Variants in TLCD4 observed in about 807,000 individuals in gnomAD.
TLCD4 encodes TLC domain containing 4.
A neutral mutation model predicts 24.2 loss-of-function variants in TLCD4; 7 were observed. The observed-to-expected ratio is 0.29, with a 90% confidence interval of 0.16 to 0.54. TLCD4 has a LOEUF of 0.54. Among genes scored for constraint, TLCD4 ranks in the 20% least tolerant of loss-of-function variants. TLCD4 has a pLI of 0.95. For synonymous variants in TLCD4, 103 were observed against 106.4 expected, an observed-to-expected ratio of 0.97 and a Z score of 0.20; for missense variants, 259 against 313.9, an observed-to-expected ratio of 0.82 and a Z score of 1.32.
chr1:95,175,705 G>C (rs553659821), intron 6 of TLCD4, among the ~76,000 whole-genome samples: 1 of 151,956 alleles, frequency 6.6e-6, no homozygotes, highest in Non-Finnish European at 1.5e-5. Context: ...GCTGTTTTCT[G>C]TTCTTCTGAT....
At chr1:95,158,063 C>A (rs745681034) in intron 5 of TLCD4, among the ~76,000 whole-genome samples, 1 of 152,114 alleles carries the variant, frequency 6.6e-6, no homozygotes, top group Non-Finnish European at 1.5e-5. Context: ...AATGTTCATA[C>A]CTCTATTTGC....
chr1:95,171,192 T>A (rs1379488709), intron 5 of TLCD4, among the ~76,000 whole-genome samples: 1 of 152,208 alleles, frequency 6.6e-6, no homozygotes, highest in African/African-American at 2.4e-5. Flanking sequence ...GCTCAAGTGA[T>A]CCTCTTGCCT....
intron 3 of TLCD4, 72 bp from the exon 4 acceptor site, chr1:95,150,136 C>T (rs1677452567): frequency 1.3e-6 from 2 of 1,505,286 alleles, no homozygotes; most frequent in Non-Finnish European, 1.8e-6. Context: ...ATATTTAAAT[C>T]TCTATAGAAA....
the TLCD4 span, among the ~76,000 whole-genome samples, chr1:95,104,913 G>T: frequency 6.6e-6 from 1 of 151,880 alleles, no homozygotes; most frequent in East Asian, 1.9e-4. Flanking sequence ...CTAGCTACTT[G>T]GGAGGTTGAG....
chr1:95,189,391 C>T (rs190107490), intron 6 of TLCD4, among the ~76,000 whole-genome samples: 1 of 152,152 alleles, frequency 6.6e-6, no homozygotes, highest in South Asian at 2.1e-4. Context: ...CCTGGTATCC[C>T]CCAACCTCCT....
At chr1:95,156,785 C>T (rs2148796) in intron 5 of TLCD4, among the ~76,000 whole-genome samples, 67,387 of 151,832 alleles carry the variant, frequency 0.44, 16,419 homozygotes, top group Middle Eastern at 0.59. Context: ...TAGAGGAAGA[C>T]GACACCATGG....
intron 5 of TLCD4, 47 bp downstream of exon 5, chr1:95,151,466 A>C (rs767845917): frequency 3.8e-6 from 6 of 1,589,216 alleles, no homozygotes; most frequent in Middle Eastern, 1.7e-4. Context: ...CAAGATTGGG[A>C]ATAGTGATGT....
intron 6 of TLCD4, among the ~76,000 whole-genome samples, chr1:95,174,523 A>AG (rs1366394792): frequency 3.3e-5 from 4 of 122,674 alleles, no homozygotes; most frequent in African/African-American, 1.5e-4. Context: ...AAAAAAAAAA[A>AG]AAAGAAAAAA....
chr1:95,129,462 C>A (rs1035982309), intron 1 of TLCD4, among the ~76,000 whole-genome samples: 2 of 152,108 alleles, frequency 1.3e-5, no homozygotes, highest in Non-Finnish European at 2.9e-5. Flanking sequence ...GTGTAACAGG[C>A]CAGGCGCGGT....
intron 1 of TLCD4, among the ~76,000 whole-genome samples, chr1:95,119,510 C>T (rs953502150): frequency 1.3e-5 from 2 of 152,146 alleles, no homozygotes; most frequent in Non-Finnish European, 2.9e-5. Context: ...TCCCTAGATT[C>T]CCAATTGAGA....
At chr1:95,186,411 C>T (rs1056471043) in intron 6 of TLCD4, among the ~76,000 whole-genome samples, 4 of 152,080 alleles carry the variant, frequency 2.6e-5, no homozygotes, top group Admixed American at 6.6e-5. Context: ...GGCAAGAGAA[C>T]GGAGGGTGCT....
At chr1:95,137,946 C>T (rs543412566) in intron 1 of TLCD4, among the ~76,000 whole-genome samples, 2 of 152,068 alleles carry the variant, frequency 1.3e-5, no homozygotes, top group South Asian at 4.2e-4. Context: ...TAATGTTGTC[C>T]AGGCTGGTCT....
chr1:95,128,652 T>A (rs904559926), intron 1 of TLCD4, among the ~76,000 whole-genome samples: 2 of 152,218 alleles, frequency 1.3e-5, no homozygotes, highest in Admixed American at 6.5e-5. Context: ...GGACTCTCGG[T>A]TGTTTGAAAA....
the TLCD4 span, among the ~76,000 whole-genome samples, chr1:95,100,953 G>T: frequency 6.6e-6 from 1 of 150,872 alleles, no homozygotes; most frequent in African/African-American, 2.4e-5. Context: ...CTTTGCCCAG[G>T]CTAGAGTGCA....
chr1:95,124,475 A>G (rs1299937945), intron 1 of TLCD4, among the ~76,000 whole-genome samples: 1 of 152,176 alleles, frequency 6.6e-6, no homozygotes, highest in Admixed American at 6.6e-5. Context: ...CAACCTTCCC[A>G]GTATCTTACA....
chr1:95,122,833 G>A (rs1161023873), intron 1 of TLCD4, among the ~76,000 whole-genome samples: 3 of 152,114 alleles, frequency 2.0e-5, no homozygotes, highest in Non-Finnish European at 4.4e-5. Flanking sequence ...CTCCAAATAG[G>A]CTGAAAAAAT....
the TLCD4 span, among the ~76,000 whole-genome samples, chr1:95,100,571 T>C: frequency 1.3e-5 from 2 of 152,068 alleles, no homozygotes; most frequent in Admixed American, 6.5e-5. Context: ...TGAGACTCTG[T>C]CTCAAAAAAT....
At chr1:95,151,488 T>A (rs1019256116) in intron 5 of TLCD4, 69 bp downstream of exon 5, 1 of 1,543,960 alleles carries the variant, frequency 6.5e-7, no homozygotes, top group African/African-American at 1.4e-5. Context: ...AAGGTGAACA[T>A]AAATCTAAAC....
the TLCD4 span, among the ~76,000 whole-genome samples, chr1:95,105,466 TG>T: frequency 6.6e-6 from 1 of 152,232 alleles, no homozygotes; most frequent in Non-Finnish European, 1.5e-5. Flanking sequence ...GCCTCCTCCA[TG>T]GGTGGTGGGT....
Sources: gnomAD v4.1 joint callset for allele counts (sites outside exome capture counted in the v4.1 genomes callset) on GRCh38, gnomAD v4.1.1 for gene constraint, MANE v1.5 for transcripts, NCBI Gene and HGNC (gene_info 2026-07-23, HGNC 2026-07-21) for gene names.